The following TECRL variants were observed in gnomAD, a reference collection of about 807,000 sequenced individuals.
TECRL encodes trans-2,3-enoyl-CoA reductase like, also known as trans-2,3-enoyl-CoA reductase-like.
In TECRL, 63 loss-of-function variants were observed where a neutral mutation model predicts 52.8. The observed-to-expected ratio is 1.19, with a 90% confidence interval of 0.97 to 1.47. The LOEUF (loss-of-function observed/expected upper bound fraction) is 1.47. Among genes scored for constraint, TECRL ranks in the 40% most tolerant of loss-of-function variants. The pLI is 0.00. For missense variants in TECRL, 482 were observed against 429.6 expected (o/e 1.12, Z -1.08); for synonymous variants, 164 against 141.9 (o/e 1.16, Z -1.10).
intron 4 of TECRL, among the ~76,000 whole-genome samples, chr4:64,319,902 T>C (rs1717779655): frequency 1.3e-5 from 2 of 151,972 alleles, no homozygotes; most frequent in African/African-American, 4.8e-5. Flanking sequence ...GACAAAAATA[T>C]GGAGATGAAG....
chr4:64,390,686 G>A (rs1443536275), intron 1 of TECRL, among the ~76,000 whole-genome samples: 1 of 151,728 alleles, frequency 6.6e-6, no homozygotes, highest in African/African-American at 2.4e-5. Context: ...TGTCCAAGTA[G>A]TGTGGTTTTA....
chr4:64,360,257 A>AT (rs11429589), intron 2 of TECRL, among the ~76,000 whole-genome samples: 136,576 of 152,000 alleles, frequency 0.9, 62,021 homozygotes, highest in East Asian at 1. Context: ...TACCCACTTA[A>AT]TTTTTTTAAA....
At chr4:64,364,548 C>T (rs2101208) in intron 2 of TECRL, among the ~76,000 whole-genome samples, 136,583 of 151,948 alleles carry the variant, frequency 0.9, 62,038 homozygotes, top group East Asian at 1. Context: ...AAGTTCCAAA[C>T]AAACATGAGC....
At chr4:64,352,348 T>A (rs1720458552) in intron 2 of TECRL, among the ~76,000 whole-genome samples, 3 of 152,160 alleles carry the variant, frequency 2.0e-5, no homozygotes, top group Admixed American at 1.3e-4. Flanking sequence ...AAACAATTAT[T>A]GTATTCCAAA....
rs550511458 is a variant in TECRL, at chr4:64,331,406, G to A, written c.287-2850C>T. Among the ~76,000 whole-genome samples the A allele has an allele frequency of 5.3e-5, 8 of 152,124 alleles. No individual in the cohort carries two copies. In the East Asian group the frequency reaches 1.5e-3, roughly 29 times the overall value. On this transcript the variant is annotated intron_variant, in intron 2 of 11. Coordinates refer to ENST00000381210, the MANE Select transcript of TECRL (RefSeq NM_001010874.5). ...TGGCCCTAGAAAAAATAACCCACTG[G>A]AGGACTATGCATTCAGTTTAGGTAA...
At chr4:64,351,209 A>G (rs571242286) in intron 2 of TECRL, among the ~76,000 whole-genome samples, 29 of 151,314 alleles carry the variant, frequency 1.9e-4, no homozygotes, top group African/African-American at 6.8e-4. Flanking sequence ...GACATCAGGT[A>G]TAAGTTCTAA....
intron 8 of TECRL, among the ~76,000 whole-genome samples, chr4:64,295,982 G>A (rs1723658840): frequency 2.6e-5 from 4 of 152,072 alleles, no homozygotes; most frequent in Admixed American, 2.0e-4. Flanking sequence ...CAGGAAATTT[G>A]AGATGAGAGC....
At chr4:64,385,840 A>T (rs2109727945) in intron 1 of TECRL, among the ~76,000 whole-genome samples, 1 of 152,226 alleles carries the variant, frequency 6.6e-6, no homozygotes, top group Admixed American at 6.5e-5. Flanking sequence ...CAGGGCTAGG[A>T]TTAGAGGAGT....
intron 2 of TECRL, among the ~76,000 whole-genome samples, chr4:64,337,287 A>C (rs1473236009): frequency 6.6e-6 from 1 of 152,186 alleles, no homozygotes; most frequent in Non-Finnish European, 1.5e-5. Flanking sequence ...CAAAATAATA[A>C]GAGCTATTTA....
At chr4:64,303,593 G>A (rs1724144882) in intron 7 of TECRL, among the ~76,000 whole-genome samples, 1 of 151,728 alleles carries the variant, frequency 6.6e-6, no homozygotes, top group Non-Finnish European at 1.5e-5. Flanking sequence ...ATATTCATCT[G>A]TAAAGTGGGA....
chr4:64,280,206 GA>G lies in TECRL; in HGVS notation c.965-8del. The G allele has an allele frequency of 6.8e-7, 1 of 1,474,952 alleles. No homozygotes were observed. The highest frequency in any genetic ancestry group is 9.0e-7 in the Non-Finnish European group (1 of 1,107,600). The allele number at this position is 1,474,952 out of a possible 1,614,324, so 91.4% of individuals were successfully genotyped here. The stretch of plus-strand genomic sequence containing the variant: ...AGAAGTGTAAAAATTCCAACTAGAA[GA>G]AAAAAGAAATAATTATTATTTCTTT... On this transcript the variant is annotated splice_region_variant and splice_polypyrimidine_tract_variant and intron_variant, in intron 11 of 11. Transcript: ENST00000381210.
intron 2 of TECRL, among the ~76,000 whole-genome samples, chr4:64,370,427 C>T (rs573232171): frequency 2.0e-5 from 3 of 151,842 alleles, no homozygotes; most frequent in Non-Finnish European, 4.4e-5. Context: ...TTCTCAGAGA[C>T]ATTTAGATTT....
chr4:64,396,999 A>T (rs1724000955), intron 1 of TECRL, among the ~76,000 whole-genome samples: 1 of 152,192 alleles, frequency 6.6e-6, no homozygotes, highest in South Asian at 2.1e-4. Context: ...TACAATAACC[A>T]AAACAGCTTA....
At chr4:64,320,984 TC>T (rs1480702114) in intron 4 of TECRL, among the ~76,000 whole-genome samples, 1 of 152,098 alleles carries the variant, frequency 6.6e-6, no homozygotes, top group Non-Finnish European at 1.5e-5. Context: ...CTATTTTTTT[TC>T]ATTTGATATT....
intron 1 of TECRL, among the ~76,000 whole-genome samples, chr4:64,380,897 T>C (rs1319378428): frequency 1.3e-5 from 2 of 152,134 alleles, no homozygotes; most frequent in East Asian, 1.9e-4. Flanking sequence ...TGGTTCCATA[T>C]AGATTTTAAG....
chr4:64,338,554 A>G (rs1719304776), intron 2 of TECRL, among the ~76,000 whole-genome samples: 1 of 152,232 alleles, frequency 6.6e-6, no homozygotes, highest in Non-Finnish European at 1.5e-5. Context: ...GCTTATATCC[A>G]GAATCTACAA....
At chr4:64,297,278 T>G (rs1723742338) in intron 8 of TECRL, among the ~76,000 whole-genome samples, 1 of 151,392 alleles carries the variant, frequency 6.6e-6, no homozygotes, top group Admixed American at 6.6e-5. Flanking sequence ...TACAACTCTA[T>G]TCAACATGGT....
intron 2 of TECRL, among the ~76,000 whole-genome samples, chr4:64,364,694 T>C (rs1004868740): frequency 6.6e-6 from 1 of 151,652 alleles, no homozygotes; most frequent in Non-Finnish European, 1.5e-5. Context: ...CCTCCCCAGA[T>C]TGAAATTGAA....
Position 64,349,383 on chromosome 4 carries a change from G to A in TECRL, c.287-20827C>T, listed in dbSNP as rs547807203. Among the ~76,000 whole-genome samples the A allele has an allele frequency of 3.9e-5, 6 of 151,988 alleles. No homozygotes were observed. In the South Asian group the frequency reaches 6.2e-4, roughly 16 times the overall value. On this transcript the variant is annotated intron_variant, in intron 2 of 11. Transcript: ENST00000381210. ...CCTGACTTCGTGATCTACCCACCGC[G>A]GCCTCCCAAAGTGCTAGGATTATAG...
Sources: allele counts gnomAD v4.1 joint callset (sites outside exome capture counted in the v4.1 genomes callset), GRCh38; gene constraint gnomAD v4.1.1; transcripts MANE v1.5; gene names NCBI Gene and HGNC (gene_info 2026-07-23, HGNC 2026-07-21).